GRM8: variants seen among roughly 807,000 people sequenced by gnomAD.
GRM8 encodes glutamate metabotropic receptor 8, also known as metabotropic glutamate receptor 8.
GRM8 carries 47 observed loss-of-function variants against 87.2 expected under a neutral mutation model. That is an observed-to-expected ratio of 0.54 (90% CI 0.43 to 0.69). The LOEUF (loss-of-function observed/expected upper bound fraction) is 0.69, where lower values mean the gene tolerates loss of function less well. GRM8 is among the 30% of genes least tolerant of loss of function. The pLI, the probability that GRM8 is intolerant of heterozygous loss-of-function variation, is 0.00. For synonymous variants in GRM8, 396 were observed against 404.5 expected, an observed-to-expected ratio of 0.98 and a Z score of 0.25; for missense variants, 1,019 against 1,139.2, an observed-to-expected ratio of 0.89 and a Z score of 1.52.
intron 2 of GRM8, among the ~76,000 whole-genome samples, chr7:127,185,508 A>G (rs1318640947): frequency 6.6e-6 from 1 of 152,200 alleles, no homozygotes; most frequent in Non-Finnish European, 1.5e-5. Flanking sequence ...GCAAAAGTAT[A>G]AAATTTCTAG....
At chr7:126,824,218 C>T (rs553346674) in intron 6 of GRM8, among the ~76,000 whole-genome samples, 28 of 152,188 alleles carry the variant, frequency 1.8e-4, no homozygotes, top group African/African-American at 6.7e-4. Flanking sequence ...ATTTCATGTT[C>T]TCCAGTGGCA....
chr7:126,870,677 G>A (rs531826877), intron 6 of GRM8: 2 of 152,222 alleles, frequency 1.3e-5, no homozygotes, highest in East Asian at 1.9e-4. Context: ...GATAGGGTTC[G>A]TAGTGCCCCC....
intron 2 of GRM8, among the ~76,000 whole-genome samples, chr7:127,137,415 T>C (rs189882199): frequency 9.9e-5 from 15 of 152,248 alleles, no homozygotes; most frequent in Non-Finnish European, 1.6e-4. Context: ...TATCCAATTC[T>C]GTAATCCCAA....
intron 2 of GRM8, among the ~76,000 whole-genome samples, chr7:127,185,501 A>G (rs1395808419): frequency 2.0e-5 from 3 of 152,202 alleles, no homozygotes; most frequent in African/African-American, 7.2e-5. Context: ...ATAAAATGCA[A>G]AAGTATAAAA....
At chr7:127,002,650 G>A (rs975289034) in intron 3 of GRM8, among the ~76,000 whole-genome samples, 1 of 151,568 alleles carries the variant, frequency 6.6e-6, no homozygotes, top group South Asian at 2.1e-4. Flanking sequence ...TACTGCCATT[G>A]CCTCCTTGAC....
intron 6 of GRM8, among the ~76,000 whole-genome samples, chr7:126,822,502 T>TTC (rs1432679173): frequency 6.6e-6 from 1 of 150,938 alleles, no homozygotes; most frequent in East Asian, 1.9e-4. Flanking sequence ...GTCTTTCTCC[T>TTC]TCTCTCCTTC....
chr7:126,858,080 C>T (rs866059769), intron 6 of GRM8, among the ~76,000 whole-genome samples: 1 of 152,132 alleles, frequency 6.6e-6, no homozygotes, highest in East Asian at 1.9e-4. Flanking sequence ...ATAATAACCC[C>T]ATTCACCCAG....
chr7:126,834,826 T>A (rs112694796), intron 6 of GRM8, among the ~76,000 whole-genome samples: 1 of 152,082 alleles, frequency 6.6e-6, no homozygotes, highest in Admixed American at 6.6e-5. Context: ...ATAGGCTGGG[T>A]TGGGGCTCAC....
At chr7:126,609,612 C>T in intron 7 of GRM8, 114 bp from the exon 8 acceptor site, 1 of 728,604 alleles carries the variant, frequency 1.4e-6, no homozygotes, top group East Asian at 2.7e-5. Context: ...GTAAGTGATG[C>T]AAAGATTGCA....
intron 7 of GRM8, among the ~76,000 whole-genome samples, chr7:126,652,503 TGGGTGACAAAGA>T (rs1390896802): frequency 3.9e-5 from 6 of 152,186 alleles, no homozygotes; most frequent in Admixed American, 6.5e-5. Context: ...TACCTTCATC[TGGGTGACAAAGA>T]GGGTGACAAA....
At chr7:126,513,076 C>T (rs965173011) in intron 9 of GRM8, among the ~76,000 whole-genome samples, 2 of 152,102 alleles carry the variant, frequency 1.3e-5, no homozygotes, top group South Asian at 2.1e-4. Context: ...TTTCTGGATA[C>T]CTGTATGTTT....
chr7:126,717,909 T>C (rs1811930566), intron 7 of GRM8, among the ~76,000 whole-genome samples: 1 of 152,108 alleles, frequency 6.6e-6, no homozygotes, highest in Admixed American at 6.5e-5. Flanking sequence ...GTTAGATAGG[T>C]TCCTTAGTTT....
intron 3 of GRM8, among the ~76,000 whole-genome samples, chr7:127,021,149 T>C (rs1004423802): frequency 1.3e-5 from 2 of 151,960 alleles, no homozygotes; most frequent in African/African-American, 4.8e-5. Context: ...TACAGCAAAT[T>C]ATTACTTAAA....
At chr7:126,556,337 T>TAAAAAA (rs3038820) in intron 8 of GRM8, among the ~76,000 whole-genome samples, 3 of 111,330 alleles carry the variant, frequency 2.7e-5, no homozygotes, top group African/African-American at 6.8e-5. Flanking sequence ...TTCTCCTCTT[T>TAAAAAA]AAAAAAAAAA....
intron 7 of GRM8, among the ~76,000 whole-genome samples, chr7:126,759,589 T>A (rs1305269684): frequency 2.0e-5 from 3 of 152,140 alleles, no homozygotes; most frequent in Non-Finnish European, 4.4e-5. Context: ...AATACCCTGT[T>A]GGTTGGTGCT....
chr7:126,556,820 A>G (rs1793201590), intron 8 of GRM8, among the ~76,000 whole-genome samples: 1 of 152,196 alleles, frequency 6.6e-6, no homozygotes, highest in Admixed American at 6.5e-5. Context: ...TTTTGCCTCT[A>G]AAGAGAATGT....
intron 6 of GRM8, among the ~76,000 whole-genome samples, chr7:126,828,942 C>A (rs975400269): frequency 2.0e-5 from 3 of 151,948 alleles, no homozygotes; most frequent in Non-Finnish European, 4.4e-5. Flanking sequence ...TTTATTTCTG[C>A]CTTCATTTCG....
intron 2 of GRM8, among the ~76,000 whole-genome samples, chr7:127,139,350 T>G (rs1828127903): frequency 6.6e-6 from 1 of 152,108 alleles, no homozygotes; most frequent in Non-Finnish European, 1.5e-5. Flanking sequence ...CATCCAACCT[T>G]GAGGCAAACT....
rs189561146 is a variant in GRM8 at position 126,576,344 on chromosome 7, G to A, written c.1494+33018C>T. On this transcript the variant is annotated intron_variant, in intron 8 of 10. Coordinates refer to ENST00000339582, the MANE Select transcript of GRM8 (RefSeq NM_000845.3). The stretch of plus-strand genomic sequence containing the variant: ...GTCACCCAGGTTGGAGTGCAGCGAT[G>A]TGATCTCCACCCACTGCAACCTCCA... 7.9e-5 allele frequency among the ~76,000 whole-genome samples: 12 copies of A among 152,136 alleles called. No individual in the cohort carries two copies. In the East Asian group the frequency reaches 2.1e-3, roughly 27 times the overall value.
Sources: allele counts gnomAD v4.1 joint callset (sites outside exome capture counted in the v4.1 genomes callset), GRCh38; gene constraint gnomAD v4.1.1; transcripts MANE v1.5; gene names NCBI Gene and HGNC (gene_info 2026-07-23, HGNC 2026-07-21).